RNF31: variants seen among roughly 807,000 people sequenced by gnomAD.
The protein encoded by RNF31 is ring finger protein 31, also known as E3 ubiquitin-protein ligase RNF31.
A neutral mutation model predicts 133.6 loss-of-function variants in RNF31; 38 were observed. That is an observed-to-expected ratio of 0.28 (90% CI 0.22 to 0.37). The LOEUF (loss-of-function observed/expected upper bound fraction) is 0.37, where lower values mean the gene tolerates loss of function less well. Ranked by LOEUF, RNF31 falls within the 10% of genes least tolerant of loss-of-function variation. RNF31 has a pLI of 1.00. For synonymous variants in RNF31, 582 were observed against 552.3 expected (o/e 1.05, Z -0.75); for missense variants, 1,118 against 1,394.1 (o/e 0.80, Z 3.15).
rs1171424225 is a variant in RNF31, at chr14:24,155,599, C to G, written c.2404-4C>G. ...TTGATAACTTTATGCTCTTGCACTT[C>G]CAGTGCTCCTTTGGCTTCATATATG... On this transcript the variant is annotated splice_polypyrimidine_tract_variant and splice_region_variant and intron_variant, in intron 13 of 20. Coordinates refer to ENST00000324103, the MANE Select transcript of RNF31 (RefSeq NM_017999.5). The surrounding 1 kb of genome is among the most constrained non-coding windows in gnomAD (Gnocchi z 4.9). 1 of 1,614,088 alleles carries G rather than the reference C, an allele frequency of 6.2e-7. No homozygotes were observed. The highest frequency in any genetic ancestry group is 8.5e-7 in the Non-Finnish European group (1 of 1,179,908).
At position 24,159,964 on chromosome 14, in the gene RNF31, A is replaced by C; in HGVS notation, c.2996+4A>C. Reference sequence around the variant, plus strand: ...CTGGCTATGCCGGCCTGTGCCAGTGAGTGCCAGCAGGACATGGGCATGGTG... The same window carrying C: ...CTGGCTATGCCGGCCTGTGCCAGTGCGTGCCAGCAGGACATGGGCATGGTG... On this transcript the variant is annotated splice_donor_region_variant and intron_variant, in intron 19 of 20. Transcript: ENST00000324103. The C allele has an allele frequency of 6.2e-7, 1 of 1,612,728 alleles. No homozygotes were observed. Among genetic ancestry groups the C allele is most frequent in the Non-Finnish European group, 8.5e-7 (1 of 1,179,596 alleles).
chr14:24,157,041 A>G (rs774961111), intron 14 of RNF31, among the ~76,000 whole-genome samples: 3 of 152,174 alleles, frequency 2.0e-5, no homozygotes, highest in Non-Finnish European at 2.9e-5. Context: ...AAGTGGTAGC[A>G]GTAGGGATGA....
chr14:24,158,482 C>G (rs1422836848), intron 18 of RNF31: 3 of 497,476 alleles, frequency 6.0e-6, no homozygotes, highest in Non-Finnish European at 1.1e-5. Context: ...TTAATTAGTT[C>G]AATGAGTGTT....
chr14:24,157,439 G>A (rs1330477976), intron 15 of RNF31, 35 bp downstream of exon 15: 1 of 1,602,748 alleles, frequency 6.2e-7, no homozygotes, highest in Non-Finnish European at 8.5e-7. Flanking sequence ...TTGCTCAGAA[G>A]CCTGTCATTG....
intron 11 of RNF31, among the ~76,000 whole-genome samples, chr14:24,152,420 T>TATTC (rs918261156): frequency 2.7e-5 from 4 of 150,490 alleles, no homozygotes; most frequent in African/African-American, 9.7e-5. Context: ...TTTATTTATT[T>TATTC]ATTTACTTAT....
intron 3 of RNF31, 99 bp downstream of exon 3, chr14:24,148,512 G>A (rs775475851): frequency 1.1e-4 from 173 of 1,585,336 alleles, no homozygotes; most frequent in Non-Finnish European, 1.4e-4. Flanking sequence ...CTGAACTATG[G>A]GCATAGTTCA....
At position 24,151,086 on chromosome 14, in the gene RNF31, G is replaced by T. The variant is rs961788631; in HGVS notation, c.1489-45G>T. The stretch of plus-strand genomic sequence containing the variant: ...TGTCACCATCTTAGTTCAGGCTGAG[G>T]GTGGGTGAAGGGTGCCCCTCCTGAT... On this transcript the variant is annotated intron_variant, in intron 8 of 20. Coordinates refer to ENST00000324103, the MANE Select transcript of RNF31 (RefSeq NM_017999.5). The surrounding 1 kb of genome is among the most constrained non-coding windows in gnomAD (Gnocchi z 5.3). 1.2e-5 allele frequency: 19 copies of T among 1,606,580 alleles called. No individual in the cohort carries two copies. The highest frequency in any genetic ancestry group is 1.6e-5 in the Non-Finnish European group (19 of 1,175,306).
chr14:24,149,117 C>T, intron 5 of RNF31: 2 of 595,914 alleles, frequency 3.4e-6, no homozygotes, highest in Non-Finnish European at 5.9e-6. Flanking sequence ...GCATGCGCCA[C>T]CGCGCTCGGC....
intron 11 of RNF31, among the ~76,000 whole-genome samples, chr14:24,154,412 G>A (rs1301100574): frequency 2.0e-5 from 3 of 152,222 alleles, no homozygotes; most frequent in African/African-American, 7.2e-5. Flanking sequence ...AAAGTGCTGG[G>A]ATTACAGGCA....
rs376894304 is a variant in RNF31, at chr14:24,151,716, A to C, written c.1923+46A>C. 2.5e-6 allele frequency: 4 copies of C among 1,604,106 alleles called. No homozygotes were observed. Among genetic ancestry groups the C allele is most frequent in the African/African-American group, 1.3e-5 (1 of 74,722 alleles). On this transcript the variant is annotated intron_variant, in intron 10 of 20. Transcript: ENST00000324103. This position sits in a 1 kb window ranked among gnomAD's most constrained non-coding sequence, Gnocchi z 5.3. ...GCCCAAGGGTCCACCTAGAGGAGCA[A>C]GAGGGAGCTGAGGGGAAGGGTCCCT...
intron 11 of RNF31, among the ~76,000 whole-genome samples, chr14:24,152,386 G>T (rs1005594558): frequency 6.6e-6 from 1 of 151,206 alleles, no homozygotes; most frequent in Admixed American, 6.6e-5. Flanking sequence ...AAATGTTTCC[G>T]TATATATCTC....
chr14:24,150,826 C>T lies in RNF31; in HGVS notation c.1426C>T (p.Pro476Ser). 6.3e-7 allele frequency: 1 copy of T among 1,591,422 alleles called. No individual in the cohort carries two copies. The highest frequency in any genetic ancestry group is 8.6e-7 in the Non-Finnish European group (1 of 1,167,334). Residue 476 changes from proline to serine, a missense_variant, in exon 8 of 21, where the codon CCT (proline) becomes TCT (serine). Physicochemically the swap from Pro to Ser is moderately conservative, Grantham distance 74. This residue lies in a region of RNF31 where 747 missense variants were observed against 827.9 expected (regional missense o/e 0.90). Coordinates refer to ENST00000324103, the MANE Select transcript of RNF31 (RefSeq NM_017999.5). ...CCCCCTGCCCAGTTCCTGTGGAGAT[C>T]CTGAGAAGCAGCGCCAAGACAAGAT... ...SAPLPSSCGD[P>S]EKQRQDKMRE...
chr14:24,152,834 C>T (rs1239859185), intron 11 of RNF31, among the ~76,000 whole-genome samples: 1 of 152,192 alleles, frequency 6.6e-6, no homozygotes, highest in Non-Finnish European at 1.5e-5. Context: ...CTAATGCCAG[C>T]ACTTTGGGAG....
chr14:24,155,195 T>C lies in RNF31; in HGVS notation c.2169T>C (p.Pro723=), dbSNP rs766450087. ...CTTCCTGTGAGTGCACCATCTGTCC[T>C]GACTGCTTCCGCCAGCACTTCACCA... ...ALTSCECTIC[P]DCFRQHFTIA... is the part of the protein sequence containing the mutation. Residue 723 remains proline, a synonymous_variant, in exon 12 of 21, where the codon CCT becomes CCC. Transcript: ENST00000324103. This position sits in a 1 kb window ranked among gnomAD's most constrained non-coding sequence, Gnocchi z 4.9. The C allele has an allele frequency of 1.2e-6, 2 of 1,614,168 alleles. No individual in the cohort carries two copies. Among genetic ancestry groups the C allele is most frequent in the East Asian group, 2.2e-5 (1 of 44,890 alleles).
chr14:24,153,867 G>A (rs919834999), intron 11 of RNF31, among the ~76,000 whole-genome samples: 2 of 151,930 alleles, frequency 1.3e-5, no homozygotes, highest in African/African-American at 4.8e-5. Flanking sequence ...TTGCGCCACA[G>A]CACTCCAGTC....
At chr14:24,149,254 C>CAAAGT in intron 5 of RNF31, 152 bp from the exon 6 acceptor site, 1 of 808,296 alleles carries the variant, frequency 1.2e-6, no homozygotes, top group South Asian at 1.9e-5. Context: ...TGAGCCACCA[C>CAAAGT]GCCCGGCCTC....
intron 2 of RNF31, 63 bp downstream of exon 2, chr14:24,148,185 G>T (rs2038200774): frequency 6.2e-7 from 1 of 1,613,142 alleles, no homozygotes; most frequent in Non-Finnish European, 8.5e-7. Context: ...CTGAGGTTGT[G>T]CTGAATGGGA....
intron 18 of RNF31, among the ~76,000 whole-genome samples, 190 bp downstream of exon 18, chr14:24,158,389 C>T (rs1216975542): frequency 6.6e-6 from 1 of 152,264 alleles, no homozygotes; most frequent in Non-Finnish European, 1.5e-5. Context: ...AGCCATTTTA[C>T]ATAAGACATC....
Position 24,150,155 on chromosome 14 carries a change from T to C in RNF31, c.904T>C (p.Leu302=). 6.2e-7 allele frequency: 1 copy of C among 1,613,588 alleles called. No homozygotes were observed. ...TTCCCCTAATCCTGCAAGTGCTCAT[T>C]TGCCCTGGCACTGTGCTGCCTGTGC... is the stretch of plus-strand genomic sequence containing the variant. ...LSSPNPASAH[L]PWHCAACAML... Residue 302 remains leucine (L), a synonymous_variant, in exon 7 of 21, where the codon TTG becomes CTG. Transcript: ENST00000324103.
Sources: allele counts gnomAD v4.1 joint callset (sites outside exome capture counted in the v4.1 genomes callset), GRCh38; gene constraint gnomAD v4.1.1; regional missense constraint gnomAD v4.1.1; non-coding constraint Gnocchi (gnomAD v3.1); transcripts MANE v1.5; gene names NCBI Gene and HGNC (gene_info 2026-07-23, HGNC 2026-07-21).